The following TBC1D5 variants were observed in gnomAD, a reference collection of about 807,000 sequenced individuals.
The protein encoded by TBC1D5 is TBC1 domain family member 5.
TBC1D5 carries 75 observed loss-of-function variants against 100.3 expected under a neutral mutation model. The ratio of observed to expected loss-of-function variants is 0.75; its 90% CI spans 0.62 to 0.91. The LOEUF (loss-of-function observed/expected upper bound fraction) is 0.91. Among genes scored for constraint, TBC1D5 ranks in the 40% least tolerant of loss-of-function variants. TBC1D5 has a pLI of 0.00. For missense variants in TBC1D5, 910 were observed against 942.4 expected (o/e 0.97, Z 0.45); for synonymous variants, 323 against 325.6 (o/e 0.99, Z 0.09).
intron 16 of TBC1D5, among the ~76,000 whole-genome samples, chr3:17,252,873 G>T (rs1407985630): frequency 1.3e-5 from 2 of 152,176 alleles, no homozygotes; most frequent in Admixed American, 6.5e-5. Flanking sequence ...TAAAGCATTT[G>T]TGAAATGAAT....
At chr3:17,252,764 T>A (rs969459512) in intron 16 of TBC1D5, among the ~76,000 whole-genome samples, 1 of 152,228 alleles carries the variant, frequency 6.6e-6, no homozygotes, top group Admixed American at 6.5e-5. Context: ...ATTCTTCCAA[T>A]GACTATAATC....
intron 2 of TBC1D5, among the ~76,000 whole-genome samples, chr3:17,570,031 G>T (rs115131596): frequency 6.6e-6 from 1 of 151,828 alleles, no homozygotes; most frequent in Non-Finnish European, 1.5e-5. Context: ...AAAGTCAGAG[G>T]TTCCACCATT....
At chr3:17,203,359 C>T (rs139541858) in intron 18 of TBC1D5, among the ~76,000 whole-genome samples, 12 of 152,324 alleles carry the variant, frequency 7.9e-5, no homozygotes, top group African/African-American at 2.6e-4. Flanking sequence ...TTTAATTTTA[C>T]AGGCTCATAG....
chr3:17,284,806 T>C (rs1016698519), intron 15 of TBC1D5, among the ~76,000 whole-genome samples: 5 of 152,292 alleles, frequency 3.3e-5, no homozygotes, highest in Admixed American at 2.6e-4. Flanking sequence ...TTTTAGAAAA[T>C]GCTAATCTAT....
chr3:17,321,006 C>T (rs929905130), intron 13 of TBC1D5, among the ~76,000 whole-genome samples: 2 of 152,186 alleles, frequency 1.3e-5, no homozygotes, highest in Admixed American at 6.5e-5. Flanking sequence ...CCTGGCTATA[C>T]TTAAATGTAT....
At chr3:17,512,334 A>T (rs2095920100) in intron 2 of TBC1D5, among the ~76,000 whole-genome samples, 1 of 152,122 alleles carries the variant, frequency 6.6e-6, no homozygotes, top group Non-Finnish European at 1.5e-5. Flanking sequence ...TTTTTAAACA[A>T]TCACTGTAAA....
chr3:17,268,562 A>G (rs2079059206), intron 15 of TBC1D5, among the ~76,000 whole-genome samples: 1 of 152,158 alleles, frequency 6.6e-6, no homozygotes, highest in East Asian at 1.9e-4. Context: ...GATCATTAGT[A>G]TAATTTTAAA....
chr3:17,233,666 G>A lies in TBC1D5; in HGVS notation c.1588+4497C>T, dbSNP rs370955765. The A allele has an allele frequency of 3.2e-5, 46 of 1,432,584 alleles. 1 individual carries two copies. Among genetic ancestry groups the A allele is most frequent in the Non-Finnish European group, 4.2e-5 (44 of 1,057,158 alleles). The allele number at this position is 1,432,584 out of a possible 1,614,324, so 88.7% of individuals were successfully genotyped here. ...GTAGGCAAAGAAAAAGAAACACTAT[G>A]TTGTTATGGTAACTGTACCTTGGAG... On this transcript the variant is annotated intron_variant, in intron 17 of 21. Transcript: ENST00000253692.
intron 3 of TBC1D5, among the ~76,000 whole-genome samples, chr3:17,503,476 T>C (rs2095808688): frequency 6.7e-6 from 1 of 149,616 alleles, no homozygotes; most frequent in Non-Finnish European, 1.5e-5. Context: ...TGGTATCTTT[T>C]TCAATGTTTT....
At chr3:17,616,025 A>G (rs2062122795) in intron 2 of TBC1D5, among the ~76,000 whole-genome samples, 1 of 152,192 alleles carries the variant, frequency 6.6e-6, no homozygotes, top group Admixed American at 6.5e-5. Flanking sequence ...GTGGGCATTT[A>G]GAGCTATAAA....
intron 13 of TBC1D5, among the ~76,000 whole-genome samples, chr3:17,310,824 A>G (rs1289443837): frequency 2.0e-5 from 3 of 152,084 alleles, no homozygotes; most frequent in Non-Finnish European, 2.9e-5. Flanking sequence ...TATTTTATAT[A>G]TAATTATAAG....
At chr3:17,229,801 T>A (rs1422101175) in intron 17 of TBC1D5, among the ~76,000 whole-genome samples, 6 of 152,084 alleles carry the variant, frequency 3.9e-5, no homozygotes, top group South Asian at 2.1e-4. Flanking sequence ...ACCCTCCCCA[T>A]CTCATAAGGG....
At chr3:17,425,157 A>C (rs2149322007) in intron 4 of TBC1D5, among the ~76,000 whole-genome samples, 1 of 152,332 alleles carries the variant, frequency 6.6e-6, no homozygotes, top group East Asian at 1.9e-4. Flanking sequence ...TGGAACAAAA[A>C]AGTAACTAAT....
At position 17,199,080 on chromosome 3, in the gene TBC1D5, G is replaced by A. The variant is rs1449368040; in HGVS notation, c.1753-13872C>T. On this transcript the variant is annotated intron_variant, in intron 18 of 21. Transcript: ENST00000253692. Reference sequence around the variant, plus strand: ...AGGTTCCGCATTTAAACGTTTTATAGTTAGTCCATCTTGGAAATTTAAATC... The same window carrying A: ...AGGTTCCGCATTTAAACGTTTTATAATTAGTCCATCTTGGAAATTTAAATC... Among the ~76,000 whole-genome samples the A allele has an allele frequency of 2.0e-5, 3 of 152,180 alleles. 1 individual carries two copies.
At chr3:17,330,992 T>C (rs1327511822) in intron 13 of TBC1D5, among the ~76,000 whole-genome samples, 1 of 152,186 alleles carries the variant, frequency 6.6e-6, no homozygotes, top group Non-Finnish European at 1.5e-5. Context: ...ATTCTCATTC[T>C]AGTCCAGGTC....
At chr3:17,263,555 T>C (rs771054068) in intron 15 of TBC1D5, among the ~76,000 whole-genome samples, 1 of 152,164 alleles carries the variant, frequency 6.6e-6, no homozygotes, top group Non-Finnish European at 1.5e-5. Context: ...ATCACTCAAC[T>C]CTTTTCTGTT....
At chr3:17,376,415 C>T in intron 10 of TBC1D5, 110 bp downstream of exon 10, 1 of 910,254 alleles carries the variant, frequency 1.1e-6, no homozygotes, top group Non-Finnish European at 1.7e-6. Flanking sequence ...ATGTTTACAA[C>T]TTGTACAGCT....
intron 13 of TBC1D5, among the ~76,000 whole-genome samples, chr3:17,352,941 C>G (rs938680652): frequency 1.3e-4 from 20 of 152,152 alleles, no homozygotes; most frequent in Admixed American, 1.1e-3. Context: ...ACACACTAAA[C>G]AAACTTAAAC....
chr3:17,282,434 G>T (rs1048598222), intron 15 of TBC1D5, among the ~76,000 whole-genome samples: 1 of 152,132 alleles, frequency 6.6e-6, no homozygotes, highest in Non-Finnish European at 1.5e-5. Context: ...ATAAAATGGA[G>T]GAGATTGGTT....
Sources: allele counts gnomAD v4.1 joint callset (sites outside exome capture counted in the v4.1 genomes callset), GRCh38; gene constraint gnomAD v4.1.1; transcripts MANE v1.5; gene names NCBI Gene and HGNC (gene_info 2026-07-23, HGNC 2026-07-21).